GCNT2: variants seen among roughly 807,000 people sequenced by gnomAD.
GCNT2 encodes the protein N-acetyllactosaminide beta-1,6-N-acetylglucosaminyl-transferase.
In GCNT2, 34 loss-of-function variants were observed where a neutral mutation model predicts 34.2. The ratio of observed to expected loss-of-function variants is 1.00; its 90% CI spans 0.76 to 1.32. The LOEUF is 1.32. GCNT2 is among the 40% of genes most tolerant of loss of function. The pLI is 0.00. For missense variants in GCNT2, 584 were observed against 489.4 expected (o/e 1.19, Z -1.82); for synonymous variants, 212 against 188.0 (o/e 1.13, Z -1.04).
intron 3 of GCNT2, chr6:10,586,342 A>T (rs139546463): frequency 6.2e-7 from 1 of 1,614,100 alleles, no homozygotes; most frequent in Non-Finnish European, 8.5e-7. Context: ...AGGGCTATCT[A>T]TATGCCCCAA....
In GCNT2 at chr6:10,580,155, A is replaced by G. The variant is rs1764006947; in HGVS notation, c.926-41196A>G. 3.3e-5 allele frequency among the ~76,000 whole-genome samples: 5 copies of G among 152,224 alleles called. No homozygotes were observed. In the South Asian group the frequency reaches 1.0e-3, roughly 31 times the overall value. On this transcript the variant is annotated intron_variant, in intron 3 of 4. Transcript: ENST00000495262. ...ATCCTGAGGGCCAAATGCCATCCTT[A>G]GGGGTAAGTTTGAGAGTTTTTCTGA...
intron 3 of GCNT2, among the ~76,000 whole-genome samples, chr6:10,572,087 C>G (rs78524734): frequency 6.6e-6 from 1 of 151,056 alleles, no homozygotes; most frequent in African/African-American, 2.5e-5. Context: ...ACTGAAATCC[C>G]GTGTTCTGGG....
chr6:10,562,860 C>G (rs776186418), intron 3 of GCNT2, among the ~76,000 whole-genome samples: 42 of 152,074 alleles, frequency 2.8e-4, no homozygotes, highest in Non-Finnish European at 4.9e-4. Flanking sequence ...TGCAGGACAC[C>G]CTTTGTCCTA....
chr6:10,574,718 G>C (rs1479913348), intron 3 of GCNT2: 5 of 486,486 alleles, frequency 1.0e-5, no homozygotes, highest in Non-Finnish European at 1.5e-5. Context: ...TTACAGTCTA[G>C]AGGTCTTTTA....
intron 3 of GCNT2, among the ~76,000 whole-genome samples, chr6:10,611,055 A>G (rs1281379431): frequency 6.6e-6 from 1 of 152,162 alleles, no homozygotes; most frequent in African/African-American, 2.4e-5. Flanking sequence ...CACATCAAAC[A>G]AAACAGGGTC....
At chr6:10,621,003 C>T (rs546647600) in intron 3 of GCNT2, among the ~76,000 whole-genome samples, 3 of 152,276 alleles carry the variant, frequency 2.0e-5, no homozygotes, top group Non-Finnish European at 2.9e-5. Context: ...CTGTCAATCG[C>T]GCTGAAGTGG....
At chr6:10,579,886 G>T (rs1618163) in intron 3 of GCNT2, among the ~76,000 whole-genome samples, 5,441 of 151,028 alleles carry the variant, frequency 0.036, 287 homozygotes, top group African/African-American at 0.12. Context: ...ATAAATGCCG[G>T]TATCCTTACA....
At chr6:10,525,643 T>C (rs187406121) in intron 1 of GCNT2, among the ~76,000 whole-genome samples, 16 of 152,318 alleles carry the variant, frequency 1.1e-4, no homozygotes, top group African/African-American at 3.6e-4. Context: ...TCATATTAAT[T>C]CTTTTTTTAA....
At chr6:10,541,158 G>A (rs1027938225) in intron 3 of GCNT2, among the ~76,000 whole-genome samples, 3 of 152,090 alleles carry the variant, frequency 2.0e-5, no homozygotes, top group Non-Finnish European at 4.4e-5. Context: ...TCTTCCTGAT[G>A]CTTTCCCTCT....
chr6:10,609,000 G>A (rs1765441167), intron 3 of GCNT2, among the ~76,000 whole-genome samples: 1 of 152,206 alleles, frequency 6.6e-6, no homozygotes, highest in South Asian at 2.1e-4. Context: ...GTTGTCAAGG[G>A]ACAATAGGAA....
intron 4 of GCNT2, among the ~76,000 whole-genome samples, chr6:10,625,203 C>T (rs1459269828): frequency 6.6e-6 from 1 of 152,188 alleles, no homozygotes; most frequent in East Asian, 1.9e-4. Flanking sequence ...TAACTTTGAA[C>T]AAGCTCTCCA....
intron 3 of GCNT2, among the ~76,000 whole-genome samples, chr6:10,564,663 C>A (rs1285072734): frequency 1.3e-5 from 2 of 152,174 alleles, no homozygotes; most frequent in African/African-American, 4.8e-5. Flanking sequence ...TGACCTCGGA[C>A]AAAGTACCTG....
At chr6:10,588,880 GTGTT>G (rs1177229271) in intron 3 of GCNT2, among the ~76,000 whole-genome samples, 2 of 148,670 alleles carry the variant, frequency 1.3e-5, no homozygotes, top group Non-Finnish European at 3.0e-5. Context: ...TGGGGTATGT[GTGTT>G]TGTAGCGTGT....
At chr6:10,575,047 A>G (rs1763741292) in intron 3 of GCNT2, 3 of 619,172 alleles carry the variant, frequency 4.8e-6, no homozygotes, top group African/African-American at 1.8e-5. Context: ...GACTCTTCCC[A>G]TTTAGCCATG....
Position 10,529,800 on chromosome 6 carries a change from G to A in GCNT2, c.889G>A (p.Asp297Asn), listed in dbSNP as rs763720351. ...CTGGTCCAAGGACACCTACAGCCCC[G>A]ACGAACATTTCTGGGTGACACTCAA... is the stretch of plus-strand genomic sequence containing the variant. The part of the protein sequence containing the change: ...LSWSKDTYSP[D>N]EHFWVTLNRI... Residue 297 changes from aspartate to asparagine, a missense_variant, in exon 3 of 5, where the codon GAC (aspartate) becomes AAC (asparagine). By Grantham distance (23) the Asp-to-Asn change is conservative. Coordinates refer to ENST00000495262, the MANE Select transcript of GCNT2 (RefSeq NM_145649.5). The A allele has an allele frequency of 8.1e-6, 13 of 1,613,920 alleles. No individual in the cohort carries two copies. The highest frequency in any genetic ancestry group is 4.5e-5 in the East Asian group (2 of 44,898).
At chr6:10,608,937 G>A (rs556177623) in intron 3 of GCNT2, among the ~76,000 whole-genome samples, 20 of 152,332 alleles carry the variant, frequency 1.3e-4, no homozygotes, top group Admixed American at 1.2e-3. Flanking sequence ...AATGAAACAC[G>A]TTGGGGCCAG....
intron 3 of GCNT2, among the ~76,000 whole-genome samples, chr6:10,614,916 A>C (rs1765701195): frequency 2.0e-5 from 3 of 152,204 alleles, no homozygotes; most frequent in Admixed American, 1.3e-4. Flanking sequence ...GCACTGTGAG[A>C]ACTGGTCCTC....
chr6:10,589,044 ATGG>A (rs1370465010), intron 3 of GCNT2, among the ~76,000 whole-genome samples: 1 of 76,728 alleles, frequency 1.3e-5, no homozygotes, highest in Non-Finnish European at 2.6e-5. Context: ...TGGTATGTGT[ATGG>A]TGTGTGTGTG....
intron 3 of GCNT2, among the ~76,000 whole-genome samples, chr6:10,562,135 C>T (rs1277222868): frequency 2.6e-5 from 4 of 152,124 alleles, no homozygotes; most frequent in African/African-American, 4.8e-5. Context: ...AGGACCCTTT[C>T]TTGCTAGGTC....
Sources: gnomAD v4.1 joint callset for allele counts (sites outside exome capture counted in the v4.1 genomes callset) on GRCh38, gnomAD v4.1.1 for gene constraint, MANE v1.5 for transcripts, NCBI Gene and HGNC (gene_info 2026-07-23, HGNC 2026-07-21) for gene names.